The following ARHGAP29 variants were observed in gnomAD, a reference collection of about 807,000 sequenced individuals.
ARHGAP29 encodes rho GTPase-activating protein 29.
ARHGAP29 carries 43 observed loss-of-function variants against 122.6 expected under a neutral mutation model. The observed-to-expected ratio is 0.35, with a 90% CI of 0.27 to 0.45. The LOEUF (loss-of-function observed/expected upper bound fraction) is 0.45. Among genes scored for constraint, ARHGAP29 ranks in the 20% least tolerant of loss-of-function variants. The pLI is 1.00. For missense variants in ARHGAP29, 1,303 were observed against 1,477.2 expected (o/e 0.88, Z 1.93); for synonymous variants, 506 against 497.1 (o/e 1.02, Z -0.24).
intron 1 of ARHGAP29, among the ~76,000 whole-genome samples, chr1:94,236,138 T>A (rs933831455): frequency 6.6e-6 from 1 of 152,232 alleles, no homozygotes; most frequent in Admixed American, 6.5e-5. Context: ...CTTTATGGTT[T>A]TAAAAAGCAC....
At chr1:94,290,852 C>T in the ARHGAP29 span, among the ~76,000 whole-genome samples, 7 of 152,212 alleles carry the variant, frequency 4.6e-5, no homozygotes, top group Admixed American at 2.0e-4. Context: ...ATTATGTGGT[C>T]AATTTTAGAA....
intron 14 of ARHGAP29, 96 bp from the exon 15 acceptor site, chr1:94,189,037 T>TA: frequency 7.1e-7 from 1 of 1,401,840 alleles, no homozygotes; most frequent in African/African-American, 1.4e-5. Context: ...CAAATTTCTT[T>TA]AACAATAACC....
intron 3 of ARHGAP29, among the ~76,000 whole-genome samples, chr1:94,214,117 C>T (rs560950902): frequency 6.6e-6 from 1 of 152,288 alleles, no homozygotes; most frequent in Admixed American, 6.5e-5. Context: ...CTGGTCTCTA[C>T]TACTTTGTGT....
upstream of ARHGAP29, among the ~76,000 whole-genome samples, chr1:94,239,560 CAATA>C (rs1653494535): frequency 6.7e-6 from 1 of 149,268 alleles, no homozygotes; most frequent in South Asian, 2.1e-4. Context: ...AGAGAGACAA[CAATA>C]AAGGAGAAAG....
At chr1:94,232,059 T>C (rs950423480) in intron 1 of ARHGAP29, among the ~76,000 whole-genome samples, 12 of 152,154 alleles carry the variant, frequency 7.9e-5, no homozygotes, top group African/African-American at 2.9e-4. Flanking sequence ...GTAAAAGTTG[T>C]TCTGAAACAT....
the ARHGAP29 span, among the ~76,000 whole-genome samples, chr1:94,293,176 C>G: frequency 2.6e-5 from 4 of 152,358 alleles, no homozygotes; most frequent in African/African-American, 9.6e-5. Flanking sequence ...CTACTCAAGC[C>G]TCAGCAATGG....
rs552544794 is a variant in ARHGAP29 at position 94,170,869 on chromosome 1, T to A, written c.*3000A>T. On this transcript the variant is annotated 3_prime_UTR_variant, in exon 23 of 23. Transcript: ENST00000260526. ...CTTAGGTAGAGTATTTTGTATTTTT[T>A]AATGATATTGAAGAGATCTTTCTAA... Among the ~76,000 whole-genome samples, 6 of 152,328 alleles carry A rather than the reference T, an allele frequency of 3.9e-5. No individual in the cohort carries two copies. The South Asian group carries it at 1.0e-3, about 26-fold the overall frequency.
intron 2 of ARHGAP29, among the ~76,000 whole-genome samples, chr1:94,222,330 CA>C (rs1652350987): frequency 6.6e-6 from 1 of 152,122 alleles, no homozygotes. Context: ...GAAAGGAGGA[CA>C]AAAAGAATAA....
chr1:94,259,618 C>A (rs564296967), intron 1 of ARHGAP29, among the ~76,000 whole-genome samples: 1 of 152,026 alleles, frequency 6.6e-6, no homozygotes, highest in Non-Finnish European at 1.5e-5. Flanking sequence ...ACCTGTAAGC[C>A]GAGGAACACC....
chr1:94,313,509 TAGG>T, the ARHGAP29 span, among the ~76,000 whole-genome samples: 1 of 152,092 alleles, frequency 6.6e-6, no homozygotes, highest in African/African-American at 2.4e-5. Flanking sequence ...TGTGGAGAAA[TAGG>T]AGCGCTTTTA....
At chr1:94,212,375 T>C (rs899795966) in intron 3 of ARHGAP29, among the ~76,000 whole-genome samples, 1 of 152,228 alleles carries the variant, frequency 6.6e-6, no homozygotes, top group Admixed American at 6.5e-5. Flanking sequence ...AGGAGTATGA[T>C]GCATGTCAGA....
At chr1:94,211,745 T>A (rs10874842) in intron 3 of ARHGAP29, among the ~76,000 whole-genome samples, 143,848 of 152,250 alleles carry the variant, frequency 0.94, 68,532 homozygotes, top group Non-Finnish European at 1. Context: ...ACTTTTATTT[T>A]TTTATTTTTA....
intron 1 of ARHGAP29, among the ~76,000 whole-genome samples, chr1:94,269,233 T>C (rs1249421993): frequency 6.6e-6 from 1 of 152,210 alleles, no homozygotes; most frequent in African/African-American, 2.4e-5. Flanking sequence ...AATTAACTTA[T>C]TCACGTCCCA....
At chr1:94,197,416 G>A (rs563839958) in intron 12 of ARHGAP29, among the ~76,000 whole-genome samples, 1 of 152,232 alleles carries the variant, frequency 6.6e-6, no homozygotes, top group South Asian at 2.1e-4. Context: ...CACTTTCACT[G>A]GAGGAATGTT....
At position 94,205,179 on chromosome 1, in the gene ARHGAP29, T is replaced by C. The variant is rs1570535617; in HGVS notation, c.579A>G (p.Glu193=). The C allele has an allele frequency of 6.3e-7, 1 of 1,588,886 alleles. No individual in the cohort carries two copies. Among genetic ancestry groups the C allele is most frequent in the East Asian group, 2.3e-5 (1 of 43,724 alleles). The change falls in exon 7 of 23, where the codon GAA becomes GAG. Residue 193 remains glutamate (E), a synonymous_variant. Transcript: ENST00000260526. ...TGTTCTTTAACAGCACGTTGTCTAG[T>C]TCTAAAGGGGAAAAATTTCCTGAAA... The part of the protein sequence containing the change: ...SSEKGNFSPL[E]LDNVLLKNTD...
intron 1 of ARHGAP29, among the ~76,000 whole-genome samples, chr1:94,272,255 GACTA>G (rs1293054930): frequency 6.6e-6 from 1 of 152,180 alleles, no homozygotes; most frequent in Non-Finnish European, 1.5e-5. Flanking sequence ...TTGGCTCTAA[GACTA>G]ACTGCGGAGA....
At chr1:94,179,687 G>A (rs748027396) in intron 20 of ARHGAP29, 38 bp downstream of exon 20, 13 of 1,268,358 alleles carry the variant, frequency 1.0e-5, no homozygotes, top group South Asian at 1.5e-5. Context: ...CAAATCAATT[G>A]CCCATTAATA....
intron 1 of ARHGAP29, among the ~76,000 whole-genome samples, chr1:94,269,936 A>G (rs995143707): frequency 6.6e-6 from 1 of 152,158 alleles, no homozygotes; most frequent in African/African-American, 2.4e-5. Flanking sequence ...CGTAGTCCCC[A>G]GTTATAAAAT....
the ARHGAP29 span, among the ~76,000 whole-genome samples, chr1:94,281,475 C>T: frequency 2.0e-5 from 3 of 152,092 alleles, no homozygotes; most frequent in Non-Finnish European, 4.4e-5. Flanking sequence ...AGATCAACAC[C>T]GTCAGTGAGA....
Sources: gnomAD v4.1 joint callset for allele counts (sites outside exome capture counted in the v4.1 genomes callset) on GRCh38, gnomAD v4.1.1 for gene constraint, MANE v1.5 for transcripts, NCBI Gene and HGNC (gene_info 2026-07-23, HGNC 2026-07-21) for gene names.